The following RXYLT1 variants were observed in gnomAD, a reference collection of about 807,000 sequenced individuals.
RXYLT1 encodes ribitol xylosyltransferase 1.
RXYLT1 carries 41 observed loss-of-function variants against 43.5 expected under a neutral mutation model. That is an observed-to-expected ratio of 0.94 (90% CI 0.73 to 1.22). The LOEUF (loss-of-function observed/expected upper bound fraction) is 1.22. RXYLT1 is among the 50% of genes most tolerant of loss of function. The probability of loss-of-function intolerance (pLI) is 0.00; values close to 1 mark genes in which losing one functional copy is unlikely to be tolerated. For synonymous variants in RXYLT1, 166 were observed against 194.4 expected, an observed-to-expected ratio of 0.85 and a Z score of 1.21; for missense variants, 514 against 532.0, an observed-to-expected ratio of 0.97 and a Z score of 0.33.
intron 1 of RXYLT1, 45 bp from the exon 2 acceptor site, chr12:63,780,974 C>G (rs367712143): frequency 2.1e-5 from 29 of 1,408,582 alleles, no homozygotes; most frequent in Non-Finnish European, 2.3e-5. Context: ...TTACCTACAA[C>G]TGCAATAATA....
chr12:63,795,133 C>T (rs1012722845), intron 3 of RXYLT1, among the ~76,000 whole-genome samples: 9 of 151,910 alleles, frequency 5.9e-5, no homozygotes, highest in African/African-American at 2.2e-4. Flanking sequence ...TGTATCTCTA[C>T]AAAAAACACA....
In RXYLT1 at chr12:63,781,139, A is replaced by G. The variant is rs1354210014; in HGVS notation, c.290A>G (p.Asp97Gly). ...ILDKSTKGKTDLSVQIWGKAA... is the reference protein window; with the variant it reads ...ILDKSTKGKTGLSVQIWGKAA... ...GATAAATCCACGAAAGGAAAAACAG[A>G]TCTCAGTGTACAAATCTGGGGCAAA... Residue 97 changes from aspartate (D) to glycine (G), a missense_variant, in exon 2 of 6, where the codon GAT becomes GGT. Coordinates refer to ENST00000261234, the MANE Select transcript of RXYLT1 (RefSeq NM_014254.3). 7 of 1,604,336 alleles carry G rather than the reference A, an allele frequency of 4.4e-6. No individual in the cohort carries two copies. The East Asian group carries it at 1.6e-4, about 36-fold the overall frequency.
intron 5 of RXYLT1, chr12:63,807,645 A>G (rs1898331097): frequency 1.3e-5 from 2 of 152,080 alleles, no homozygotes; most frequent in Admixed American, 6.6e-5. Flanking sequence ...GCTCACTGCA[A>G]CCTCTACCTC....
intron 4 of RXYLT1, chr12:63,804,420 C>A (rs1219637305): frequency 6.6e-6 from 1 of 152,102 alleles, no homozygotes; most frequent in Admixed American, 6.6e-5. Flanking sequence ...AAATAGGTAA[C>A]TTTTCCTGTA....
Position 63,808,828 on chromosome 12 carries a change from G to A in RXYLT1, c.1068G>A (p.Val356=), listed in dbSNP as rs1898376844. Residue 356 remains valine (V), a synonymous_variant, in exon 6 of 6, where the codon GTG becomes GTA. Coordinates refer to ENST00000261234, the MANE Select transcript of RXYLT1 (RefSeq NM_014254.3). The part of the protein sequence containing the change: ...SYGSIPVVED[V]MTAGNCGNTS... ...GCTCCATTCCTGTGGTGGAAGACGT[G>A]ATGACAGCTGGCAACTGTGGGAATA... 2 of 1,614,106 alleles carry A rather than the reference G, an allele frequency of 1.2e-6. No homozygotes were observed. The highest frequency in any genetic ancestry group is 1.7e-6 in the Non-Finnish European group (2 of 1,180,014).
intron 1 of RXYLT1, 86 bp downstream of exon 1, chr12:63,780,215 T>A (rs1268155647): frequency 1.4e-6 from 2 of 1,391,914 alleles, no homozygotes; most frequent in Non-Finnish European, 1.8e-6. Flanking sequence ...CGCACCCGGC[T>A]CTCAAGTCCG....
chr12:63,786,875 A>G (rs1281949176), intron 3 of RXYLT1, among the ~76,000 whole-genome samples: 1 of 152,166 alleles, frequency 6.6e-6, no homozygotes, highest in Admixed American at 6.5e-5. Context: ...GTACTTTGGG[A>G]GGCTGAGGTA....
intron 3 of RXYLT1, among the ~76,000 whole-genome samples, chr12:63,786,356 A>G (rs935782295): frequency 6.6e-6 from 1 of 152,186 alleles, no homozygotes; most frequent in African/African-American, 2.4e-5. Flanking sequence ...TTTTACAGGC[A>G]TCCTCTAGAG....
chr12:63,787,842 C>T (rs1026763351), intron 3 of RXYLT1, among the ~76,000 whole-genome samples: 19 of 152,256 alleles, frequency 1.2e-4, no homozygotes, highest in Admixed American at 1.1e-3. Flanking sequence ...GGCCAGGTCT[C>T]CTGTCTCGGA....
intron 3 of RXYLT1, among the ~76,000 whole-genome samples, chr12:63,799,698 T>G (rs1157379439): frequency 6.6e-6 from 1 of 152,182 alleles, no homozygotes; most frequent in African/African-American, 2.4e-5. Context: ...CAGCTAGCTT[T>G]ATGCAAGTCA....
intron 3 of RXYLT1, among the ~76,000 whole-genome samples, chr12:63,785,650 AG>A (rs1451705873): frequency 6.6e-6 from 1 of 152,022 alleles, no homozygotes; most frequent in African/African-American, 2.4e-5. Context: ...AGTGTTTTTA[AG>A]TATATTAGGA....
At chr12:63,785,218 A>C in intron 3 of RXYLT1, 146 bp downstream of exon 3, 1 of 461,826 alleles carries the variant, frequency 2.2e-6, no homozygotes, top group Non-Finnish European at 3.7e-6. Context: ...AGTAAATCTC[A>C]TGAATATGTA....
At chr12:63,793,311 A>T (rs1183793455) in intron 3 of RXYLT1, among the ~76,000 whole-genome samples, 1 of 152,040 alleles carries the variant, frequency 6.6e-6, no homozygotes, top group African/African-American at 2.4e-5. Flanking sequence ...AATGTTTTTA[A>T]TTTTTTTAAT....
chr12:63,802,925 T>G (rs1049362887), intron 4 of RXYLT1, among the ~76,000 whole-genome samples: 1 of 151,826 alleles, frequency 6.6e-6, no homozygotes, highest in Admixed American at 6.6e-5. Flanking sequence ...ATCCCAGCAC[T>G]TTGGGAGGCC....
chr12:63,789,153 A>G (rs1277036715), intron 3 of RXYLT1, among the ~76,000 whole-genome samples: 3 of 152,154 alleles, frequency 2.0e-5, no homozygotes, highest in Non-Finnish European at 2.9e-5. Flanking sequence ...CCTTTCACCT[A>G]GAGGGCATTC....
intron 4 of RXYLT1, 55 bp downstream of exon 4, chr12:63,802,460 C>T: frequency 1.4e-6 from 2 of 1,453,724 alleles, no homozygotes; most frequent in South Asian, 2.9e-5. Context: ...AATTTCTGAA[C>T]CAGGAAGACT....
At position 63,802,543 on chromosome 12, in the gene RXYLT1, A is replaced by G. The variant is rs1350264584; in HGVS notation, c.743+138A>G. ...GGTACAGTCTTTCTCAGAGATAAAA[A>G]CAGGGTGTGGTCGCATCCTTCAATA... On this transcript the variant is annotated intron_variant, in intron 4 of 5. Coordinates refer to ENST00000261234, the MANE Select transcript of RXYLT1 (RefSeq NM_014254.3). 4.1e-6 allele frequency: 3 copies of G among 729,218 alleles called. No homozygotes were observed. In the African/African-American group the frequency reaches 5.4e-5, roughly 13 times the overall value. 45.2% of individuals were successfully genotyped at this position (729,218 alleles called of 1,614,324 possible). A position where few individuals can be genotyped will look rare whatever the true frequency, so the allele number is the denominator to read the frequency against.
intron 3 of RXYLT1, among the ~76,000 whole-genome samples, chr12:63,786,175 T>C (rs1897795377): frequency 6.6e-6 from 1 of 152,154 alleles, no homozygotes; most frequent in African/African-American, 2.4e-5. Flanking sequence ...ATTAGTCTAA[T>C]CCATAATATA....
rs1418098554 is a variant in RXYLT1, at chr12:63,808,976, G to GA, written c.1222dup (p.Ile408AsnfsTer2). 2 of 1,612,326 alleles carry GA rather than the reference G, an allele frequency of 1.2e-6. No individual in the cohort carries two copies. The highest frequency in any genetic ancestry group is 1.3e-5 in the African/African-American group (1 of 74,828). ...AAAAGAGAAAACTATAATTTTACAA[G>GA]AAAAAATTGAAAGAAGAAAAATGTT... On this transcript the variant is annotated frameshift_variant, in exon 6 of 6. Transcript: ENST00000261234. LOFTEE classifies it high-confidence loss of function.
Sources: gnomAD v4.1 joint callset for allele counts (sites outside exome capture counted in the v4.1 genomes callset) on GRCh38, gnomAD v4.1.1 for gene constraint, MANE v1.5 for transcripts, NCBI Gene and HGNC (gene_info 2026-07-23, HGNC 2026-07-21) for gene names.